CORO2B: variants seen among roughly 807,000 people sequenced by gnomAD.
The protein encoded by CORO2B is coronin-2B.
CORO2B carries 26 observed loss-of-function variants against 58.8 expected under a neutral mutation model. That is an observed-to-expected ratio of 0.44 (90% CI 0.32 to 0.61). The LOEUF (loss-of-function observed/expected upper bound fraction) is 0.61, where lower values mean the gene tolerates loss of function less well. Among genes scored for constraint, CORO2B ranks in the 20% least tolerant of loss-of-function variants. The probability of loss-of-function intolerance (pLI) is 0.04; values close to 1 mark genes in which losing one functional copy is unlikely to be tolerated. For synonymous variants in CORO2B, 242 were observed against 253.8 expected (o/e 0.95, Z 0.44); for missense variants, 460 against 645.1 (o/e 0.71, Z 3.11).
At chr15:68,612,437 A>G (rs1214948666) in intron 1 of CORO2B, among the ~76,000 whole-genome samples, 1 of 152,228 alleles carries the variant, frequency 6.6e-6, no homozygotes, top group Non-Finnish European at 1.5e-5. Context: ...AGAAATGTCC[A>G]ACACTGCAGA....
At chr15:68,565,493 C>T in the CORO2B span, among the ~76,000 whole-genome samples, 1 of 151,146 alleles carries the variant, frequency 6.6e-6, no homozygotes, top group Non-Finnish European at 1.5e-5. Context: ...TATATATATT[C>T]ATGTGCATGC....
rs115703826 is a variant in CORO2B at position 68,695,319 on chromosome 15, C to A, written c.333+63C>A. ...GGCCCCTCCCTGCTTCCTTTGGAGG[C>A]CTCTCTTCCTACCCTCCCCTCCTCC... is the stretch of plus-strand genomic sequence containing the variant. On this transcript the variant is annotated intron_variant, in intron 3 of 11. Coordinates refer to ENST00000261861, the MANE Select transcript of CORO2B (RefSeq NM_006091.5). 9.6e-4 allele frequency: 1,125 copies of A among 1,172,672 alleles called. 7 individuals carry two copies. In the African/African-American group the frequency reaches 0.015, roughly 16 times the overall value. The allele number at this position is 1,172,672 out of a possible 1,614,324, so 72.6% of individuals were successfully genotyped here.
rs113835286 is a variant in CORO2B, at chr15:68,669,069, A to AAGAG, written c.216+23725_216+23728dup. On this transcript the variant is annotated intron_variant, in intron 2 of 11. Transcript: ENST00000261861. Reference sequence around the variant, plus strand: ...CTCCTCCATCAGAAAGAAAGAGAGAAAGAGAGAGAGAGAGAGAGAAAGAAG... The same window carrying AAGAG: ...CTCCTCCATCAGAAAGAAAGAGAGAAAGAGAGAGAGAGAGAGAGAGAGAAAGAAG... 1.3e-3 allele frequency among the ~76,000 whole-genome samples: 197 copies of AAGAG among 146,002 alleles called. 3 individuals carry two copies. The highest frequency in any genetic ancestry group is 5.0e-3 in the African/African-American group (189 of 37,796).
At chr15:68,544,333 C>A in the CORO2B span, among the ~76,000 whole-genome samples, 2 of 152,180 alleles carry the variant, frequency 1.3e-5, no homozygotes, top group Non-Finnish European at 2.9e-5. Context: ...CACTGGTCAT[C>A]ATTTGATGTC....
At chr15:68,572,710 C>T in the CORO2B span, among the ~76,000 whole-genome samples, 11 of 152,284 alleles carry the variant, frequency 7.2e-5, no homozygotes, top group Non-Finnish European at 1.5e-4. Flanking sequence ...TTGGGGCCCA[C>T]ACTTTGAGAA....
the CORO2B span, among the ~76,000 whole-genome samples, chr15:68,560,935 A>T: frequency 6.6e-6 from 1 of 152,172 alleles, no homozygotes; most frequent in Non-Finnish European, 1.5e-5. Context: ...TGGGTTTCCC[A>T]TGGCACAGCC....
chr15:68,709,615 C>A (rs980016321), intron 3 of CORO2B, among the ~76,000 whole-genome samples: 1 of 151,976 alleles, frequency 6.6e-6, no homozygotes, highest in Admixed American at 6.6e-5. Flanking sequence ...CGCCACTACA[C>A]CCGGCTAATT....
At chr15:68,566,368 G>A in the CORO2B span, among the ~76,000 whole-genome samples, 1 of 152,128 alleles carries the variant, frequency 6.6e-6, no homozygotes, top group Non-Finnish European at 1.5e-5. Flanking sequence ...AGCAGGATTT[G>A]GACTCAGGCT....
rs555130265 is a variant in CORO2B at position 68,600,314 on chromosome 15, G to A, written c.15+21037G>A. 4.6e-5 allele frequency among the ~76,000 whole-genome samples: 7 copies of A among 152,278 alleles called. No homozygotes were observed. In the South Asian group the frequency reaches 1.5e-3, roughly 32 times the overall value. On this transcript the variant is annotated intron_variant, in intron 1 of 11. Coordinates refer to ENST00000261861, the MANE Select transcript of CORO2B (RefSeq NM_006091.5). ...CTCCAGGAAGCCTTCCTCAATGTTT[G>A]CATCTTTCCCAGCCCCATTCTGCCA...
intron 1 of CORO2B, among the ~76,000 whole-genome samples, chr15:68,618,436 C>A (rs985779858): frequency 3.9e-5 from 6 of 152,322 alleles, no homozygotes; most frequent in Admixed American, 1.3e-4. Context: ...GGCACTTGAG[C>A]TGAGTCCAGA....
chr15:68,721,761 T>TATTTATG (rs71282000), intron 11 of CORO2B, among the ~76,000 whole-genome samples: 26,456 of 151,972 alleles, frequency 0.17, 2,850 homozygotes, highest in Non-Finnish European at 0.24. Flanking sequence ...TTTATTTATG[T>TATTTATG]TTTAGAGACA....
At chr15:68,582,220 ACTT>A (rs1268515358) in intron 1 of CORO2B, among the ~76,000 whole-genome samples, 37 of 152,298 alleles carry the variant, frequency 2.4e-4, no homozygotes, top group African/African-American at 8.4e-4. Flanking sequence ...GCCCCGGAGA[ACTT>A]CTAGCCCTGT....
At chr15:68,523,995 G>T in the CORO2B span, among the ~76,000 whole-genome samples, 1 of 152,250 alleles carries the variant, frequency 6.6e-6, no homozygotes, top group Non-Finnish European at 1.5e-5. Flanking sequence ...GGAGGCAAAG[G>T]TGGGAGGATT....
upstream of CORO2B, among the ~76,000 whole-genome samples, chr15:68,574,997 C>T (rs1899253164): frequency 6.6e-6 from 1 of 152,178 alleles, no homozygotes; most frequent in Admixed American, 6.5e-5. Flanking sequence ...TGTACCGTAT[C>T]CCCTCAGGCT....
chr15:68,586,206 TA>T, intron 1 of CORO2B, among the ~76,000 whole-genome samples: 1 of 152,164 alleles, frequency 6.6e-6, no homozygotes, highest in Non-Finnish European at 1.5e-5. Flanking sequence ...GTTATTAAGA[TA>T]AAGTGAGCCG....
At chr15:68,578,917 T>G (rs1038235452), upstream of CORO2B, 19 of 581,032 alleles carry the variant, frequency 3.3e-5, no homozygotes, top group African/African-American at 3.0e-4. This position sits in a 1 kb window ranked among gnomAD's most constrained non-coding sequence, Gnocchi z 4.2. Context: ...TCCCTCCGCC[T>G]CCTCCTTTGT....
the CORO2B span, among the ~76,000 whole-genome samples, chr15:68,554,077 G>A: frequency 6.6e-6 from 1 of 152,176 alleles, no homozygotes; most frequent in Non-Finnish European, 1.5e-5. Context: ...AGACAGGTTG[G>A]AGAGGCGGTG....
chr15:68,614,629 G>A (rs1190671733), intron 1 of CORO2B, among the ~76,000 whole-genome samples: 1 of 152,198 alleles, frequency 6.6e-6, no homozygotes, highest in African/African-American at 2.4e-5. Flanking sequence ...AGCCCTCACG[G>A]TCAAGGATGT....
Position 68,673,025 on chromosome 15 carries a change from C to T in CORO2B, c.217-22115C>T, listed in dbSNP as rs574250123. ...ACATAGCAGGCAGGAGAACCCACAC[C>T]CCCAGGGAAAGGGTCTACAAACAAG... On this transcript the variant is annotated intron_variant, in intron 2 of 11. Transcript: ENST00000261861. Among the ~76,000 whole-genome samples, 107 of 152,202 alleles carry T rather than the reference C, an allele frequency of 7.0e-4. 1 individual carries two copies. The highest frequency in any genetic ancestry group is 2.5e-3 in the African/African-American group (105 of 41,532).
Sources: gnomAD v4.1 joint callset for allele counts (sites outside exome capture counted in the v4.1 genomes callset) on GRCh38, gnomAD v4.1.1 for gene constraint, Gnocchi (gnomAD v3.1) non-coding constraint, MANE v1.5 for transcripts, NCBI Gene and HGNC (gene_info 2026-07-23, HGNC 2026-07-21) for gene names.